The following CYP3A7 variants were observed in gnomAD, a reference collection of about 807,000 sequenced individuals.
CYP3A7 encodes the protein cytochrome P450 family 3 subfamily A member 7, also known as cytochrome P450 3A7.
Under a neutral mutation model 55.2 loss-of-function variants are expected in CYP3A7, and 45 were observed. That is an observed-to-expected ratio of 0.82 (90% CI 0.64 to 1.05). The LOEUF is 1.05. CYP3A7 is among the 50% of genes least tolerant of loss of function. CYP3A7 has a pLI of 0.00. For synonymous variants in CYP3A7, 180 were observed against 207.4 expected (o/e 0.87, Z 1.13); for missense variants, 548 against 605.3 (o/e 0.91, Z 0.99).
chr7:99,716,511 G>C (rs1191801367), intron 6 of CYP3A7, among the ~76,000 whole-genome samples: 1 of 152,076 alleles, frequency 6.6e-6, no homozygotes, highest in Admixed American at 6.5e-5. Flanking sequence ...GACAAATGAT[G>C]TCCTGGTTAA....
chr7:99,734,532 G>A (rs1814754707), intron 1 of CYP3A7, among the ~76,000 whole-genome samples: 1 of 152,012 alleles, frequency 6.6e-6, no homozygotes, highest in Non-Finnish European at 1.5e-5. Context: ...TTCCTTTATA[G>A]ATCTGCAAAA....
intron 9 of CYP3A7, among the ~76,000 whole-genome samples, chr7:99,711,675 G>A (rs1563020165): frequency 6.6e-6 from 1 of 152,214 alleles, no homozygotes; most frequent in Non-Finnish European, 1.5e-5. Context: ...GGCTGAGGCA[G>A]AATAATCGCT....
intron 9 of CYP3A7, among the ~76,000 whole-genome samples, chr7:99,713,088 G>A (rs113261628): frequency 1.1e-4 from 16 of 152,104 alleles, no homozygotes; most frequent in African/African-American, 3.9e-4. Flanking sequence ...AAGTAATTGC[G>A]GTTTTTGCCA....
At position 99,713,542 on chromosome 7, in the gene CYP3A7, G is replaced by A. The variant is rs1813833127; in HGVS notation, c.799-7C>T. Reference sequence around the variant, plus strand: ...GAAGGAAATCCACTCGGTGCTAGAAGCAAAAAGAGAAATTTTATTGACAGA... The same window carrying A: ...GAAGGAAATCCACTCGGTGCTAGAAACAAAAAGAGAAATTTTATTGACAGA... On this transcript the variant is annotated splice_polypyrimidine_tract_variant and splice_region_variant and intron_variant, in intron 8 of 12. Transcript: ENST00000336374. 6.2e-7 allele frequency: 1 copy of A among 1,613,166 alleles called. No homozygotes were observed. The highest frequency in any genetic ancestry group is 1.3e-5 in the African/African-American group (1 of 74,846).
At chr7:99,723,431 A>G (rs1814283354) in intron 2 of CYP3A7, among the ~76,000 whole-genome samples, 1 of 152,096 alleles carries the variant, frequency 6.6e-6, no homozygotes, top group African/African-American at 2.4e-5. Flanking sequence ...TCCACTGCTT[A>G]CCCCAGTCCT....
At chr7:99,722,173 G>T in intron 3 of CYP3A7, 123 bp downstream of exon 3, 1 of 1,227,608 alleles carries the variant, frequency 8.1e-7, no homozygotes, top group Non-Finnish European at 1.2e-6. Context: ...AAACCTCTCT[G>T]TTTGTAGTTA....
chr7:99,731,020 A>T, intron 2 of CYP3A7, 39 bp downstream of exon 2: 1 of 1,609,932 alleles, frequency 6.2e-7, no homozygotes, highest in Non-Finnish European at 8.5e-7. Flanking sequence ...TGCTCTTTGC[A>T]ATCATAAGAA....
intron 1 of CYP3A7, among the ~76,000 whole-genome samples, chr7:99,731,900 A>G (rs527540945): frequency 1.6e-4 from 25 of 152,156 alleles, no homozygotes; most frequent in Non-Finnish European, 3.1e-4. Context: ...ATTGACTCAT[A>G]TTTTCCTGAA....
At chr7:99,716,032 T>C in intron 6 of CYP3A7, 126 bp from the exon 7 acceptor site, 4 of 1,566,940 alleles carry the variant, frequency 2.6e-6, no homozygotes, top group Non-Finnish European at 3.5e-6. Context: ...CAGAACTATT[T>C]ACTGGAGCAT....
chr7:99,718,080 C>T (rs1814037808), intron 4 of CYP3A7, among the ~76,000 whole-genome samples: 1 of 151,784 alleles, frequency 6.6e-6, no homozygotes, highest in South Asian at 2.1e-4. Flanking sequence ...AATGAGAACA[C>T]ATGGACACAG....
intron 11 of CYP3A7, among the ~76,000 whole-genome samples, chr7:99,708,691 G>T (rs573124556): frequency 1.8e-4 from 28 of 152,214 alleles, no homozygotes; most frequent in Admixed American, 7.2e-4. Flanking sequence ...GATTCCTGAA[G>T]ATTTGAGTAT....
chr7:99,715,967 C>T (rs1161092187), intron 6 of CYP3A7, 61 bp from the exon 7 acceptor site: 77 of 1,611,266 alleles, frequency 4.8e-5, no homozygotes, highest in Non-Finnish European at 6.2e-5. Context: ...TTCCTCTATG[C>T]GTGCAGCAGG....
chr7:99,728,264 A>C (rs1814490290), intron 2 of CYP3A7, among the ~76,000 whole-genome samples: 1 of 152,108 alleles, frequency 6.6e-6, no homozygotes, highest in Non-Finnish European at 1.5e-5. Context: ...CCCTCCTAGA[A>C]CTTCTCATTT....
In CYP3A7 at chr7:99,709,037, T is replaced by A. The variant is rs1251638561; in HGVS notation, c.1251A>T (p.Glu417Asp). ...CTCCCTTCCCAGGGGCCTCCTACCT[T>A]TCAGGGAGGAACTTCTCAGGCTCTG... ...YWTEPEKFLP[E>D]RFSKKNKDNI... Residue 417 changes from glutamate (E) to aspartate (D), a missense_variant and splice_region_variant, in exon 11 of 13, where the codon GAA becomes GAT. Glu to Asp is a conservative substitution (Grantham distance 45). Coordinates refer to ENST00000336374, the MANE Select transcript of CYP3A7 (RefSeq NM_000765.5). 1 of 1,613,808 alleles carries A rather than the reference T, an allele frequency of 6.2e-7. No homozygotes were observed. The highest frequency in any genetic ancestry group is 2.2e-5 in the East Asian group (1 of 44,866).
rs541020948 is a variant in CYP3A7, at chr7:99,734,041, T to G, written c.71+982A>C. 2.0e-5 allele frequency among the ~76,000 whole-genome samples: 3 copies of G among 152,244 alleles called. No individual in the cohort carries two copies. The South Asian group carries it at 6.2e-4, about 32-fold the overall frequency. Reference sequence around the variant, plus strand: ...TGAACTAATAGCCCTCTTTTATCACTCAGAAGGAACATGCTGGAAATAGTC... The same window carrying G: ...TGAACTAATAGCCCTCTTTTATCACGCAGAAGGAACATGCTGGAAATAGTC... On this transcript the variant is annotated intron_variant, in intron 1 of 12. Transcript: ENST00000336374.
At chr7:99,732,038 A>G (rs1309849764) in intron 1 of CYP3A7, among the ~76,000 whole-genome samples, 1 of 152,128 alleles carries the variant, frequency 6.6e-6, no homozygotes, top group Non-Finnish European at 1.5e-5. Context: ...CTGTGCCCCT[A>G]CCCAAATCTC....
chr7:99,705,990 T>A (rs1309141627), intron 12 of CYP3A7, among the ~76,000 whole-genome samples: 4 of 152,198 alleles, frequency 2.6e-5, no homozygotes, highest in Non-Finnish European at 2.9e-5. Context: ...TGTTGAAACT[T>A]GCAAGGTAAT....
intron 1 of CYP3A7, among the ~76,000 whole-genome samples, 173 bp from the exon 2 acceptor site, chr7:99,731,325 A>C (rs1482480502): frequency 1.3e-5 from 2 of 152,202 alleles, no homozygotes; most frequent in Non-Finnish European, 2.9e-5. Flanking sequence ...AGGTCCTTTC[A>C]TGCTTCCACC....
At chr7:99,706,344 A>C (rs552437073) in intron 12 of CYP3A7, among the ~76,000 whole-genome samples, 2 of 152,330 alleles carry the variant, frequency 1.3e-5, no homozygotes, top group East Asian at 3.9e-4. Context: ...TACCTTCCCC[A>C]TCCTAGGTGT....
Sources: gnomAD v4.1 joint callset for allele counts (sites outside exome capture counted in the v4.1 genomes callset) on GRCh38, gnomAD v4.1.1 for gene constraint, MANE v1.5 for transcripts, NCBI Gene and HGNC (gene_info 2026-07-23, HGNC 2026-07-21) for gene names.